Variants in TEX9 observed in about 807,000 individuals in gnomAD.
TEX9 encodes testis-expressed protein 9.
TEX9 carries 74 observed loss-of-function variants against 59.6 expected under a neutral mutation model. The observed-to-expected ratio is 1.24, with a 90% confidence interval of 1.03 to 1.51. The LOEUF (loss-of-function observed/expected upper bound fraction) is 1.51, where lower values mean the gene tolerates loss of function less well. Ranked by LOEUF, TEX9 falls within the 40% of genes most tolerant of loss-of-function variation. The pLI is 0.00. For missense variants in TEX9, 522 were observed against 447.8 expected, an observed-to-expected ratio of 1.17 and a Z score of -1.49; for synonymous variants, 186 against 152.2, an observed-to-expected ratio of 1.22 and a Z score of -1.64.
intron 4 of TEX9, among the ~76,000 whole-genome samples, chr15:56,387,818 T>G (rs1374944388): frequency 6.6e-6 from 1 of 151,968 alleles, no homozygotes; most frequent in Non-Finnish European, 1.5e-5. Context: ...AATACATAAA[T>G]GAGTGAGTGG....
At chr15:56,342,422 C>T (rs2046389503) in intron 1 of TEX9, among the ~76,000 whole-genome samples, 1 of 152,050 alleles carries the variant, frequency 6.6e-6, no homozygotes, top group Admixed American at 6.6e-5. Context: ...GAATAGTTGT[C>T]CTTTCTATTG....
intron 12 of TEX9, chr15:56,428,478 GTGATGGATACCCAT>G (rs1399651986): frequency 8.6e-6 from 12 of 1,399,058 alleles, no homozygotes; most frequent in Non-Finnish European, 1.2e-5. Context: ...ATGACAGTAT[GTGATGGATACCCAT>G]TTTACTTATT....
chr15:56,253,067 A>G (rs1230940304), intron 1 of TEX9, among the ~76,000 whole-genome samples: 1 of 152,132 alleles, frequency 6.6e-6, no homozygotes, highest in Non-Finnish European at 1.5e-5. Flanking sequence ...CTGAAAACCA[A>G]AAGTGGTGGC....
chr15:56,324,775 T>C (rs1317850901), intron 1 of TEX9, among the ~76,000 whole-genome samples: 1 of 152,228 alleles, frequency 6.6e-6, no homozygotes, highest in Non-Finnish European at 1.5e-5. Context: ...TGCATCTGCC[T>C]TGAGTGACTC....
intron 1 of TEX9, among the ~76,000 whole-genome samples, chr15:56,302,754 A>T (rs2045392911): frequency 6.6e-6 from 1 of 152,232 alleles, no homozygotes; most frequent in Admixed American, 6.5e-5. Context: ...CAATCAAAAG[A>T]CATGGAGTGG....
chr15:56,444,525 T>C (rs1238240658), intron 12 of TEX9: 5 of 1,504,318 alleles, frequency 3.3e-6, no homozygotes, highest in African/African-American at 1.4e-5. Context: ...AGCTTCCTGC[T>C]TTTTTTTTTC....
intron 1 of TEX9, among the ~76,000 whole-genome samples, chr15:56,346,932 CAA>C (rs2046482112): frequency 6.6e-6 from 1 of 152,128 alleles, no homozygotes; most frequent in Non-Finnish European, 1.5e-5. Flanking sequence ...TGTATACTAG[CAA>C]TGAACACTTG....
intron 10 of TEX9, 64 bp downstream of exon 10, chr15:56,412,500 G>T (rs1596211272): frequency 6.8e-7 from 1 of 1,474,374 alleles, no homozygotes; most frequent in East Asian, 2.3e-5. Flanking sequence ...TTATGAACAT[G>T]TCAAAAATAA....
chr15:56,355,955 G>T (rs879327249), intron 1 of TEX9, among the ~76,000 whole-genome samples: 1 of 151,934 alleles, frequency 6.6e-6, no homozygotes, highest in South Asian at 2.1e-4. Context: ...TTTATAGTAT[G>T]GTATATAGAA....
intron 1 of TEX9, among the ~76,000 whole-genome samples, chr15:56,321,785 C>T (rs547499330): frequency 3.3e-4 from 50 of 152,142 alleles, no homozygotes; most frequent in Admixed American, 7.8e-4. Flanking sequence ...TTTTGCTATC[C>T]TCAAGTACTG....
intron 4 of TEX9, among the ~76,000 whole-genome samples, chr15:56,386,506 A>C (rs1368986343): frequency 6.6e-6 from 1 of 152,030 alleles, no homozygotes; most frequent in Admixed American, 6.6e-5. Context: ...AGTGGTGAGT[A>C]AACAGACCTG....
chr15:56,277,277 G>C (rs1479219398), intron 1 of TEX9, among the ~76,000 whole-genome samples: 1 of 152,116 alleles, frequency 6.6e-6, no homozygotes, highest in Non-Finnish European at 1.5e-5. Flanking sequence ...GTATTGCCTA[G>C]GTTTTCTTCC....
At chr15:56,410,006 G>A (rs1008420627) in intron 9 of TEX9, 33 of 152,154 alleles carry the variant, frequency 2.2e-4, no homozygotes, top group African/African-American at 7.0e-4. Flanking sequence ...AATGTCATGA[G>A]AGGAGGAACT....
upstream of TEX9, among the ~76,000 whole-genome samples, chr15:56,362,107 C>T (rs545722979): frequency 6.6e-6 from 1 of 152,056 alleles, no homozygotes; most frequent in Non-Finnish European, 1.5e-5. Context: ...TCCATGCGAC[C>T]TTGAGAAAAA....
chr15:56,265,410 C>T (rs1029071676), intron 1 of TEX9, among the ~76,000 whole-genome samples: 6 of 151,980 alleles, frequency 3.9e-5, no homozygotes, highest in East Asian at 1.9e-4. Context: ...TGGCCTCAAG[C>T]GATTTTTCTG....
chr15:56,373,471 A>C (rs750060011), exon 3 of TEX9: 1 of 1,586,082 alleles, frequency 6.3e-7, no homozygotes, highest in South Asian at 1.2e-5. Context: ...AGGCAAAAAC[A>C]GCTGACGTGG....
At chr15:56,300,742 A>AGAGG (rs1555431680) in intron 1 of TEX9, among the ~76,000 whole-genome samples, 3,251 of 144,958 alleles carry the variant, frequency 0.022, 94 homozygotes, top group Admixed American at 0.047. Flanking sequence ...AGAGAGAGAG[A>AGAGG]GAGACTTCAT....
rs569011002 is a variant in TEX9, at chr15:56,280,610, G to A, written c.-107+36332G>A. Among the ~76,000 whole-genome samples the A allele has an allele frequency of 2.6e-5, 4 of 152,248 alleles. No homozygotes were observed. The South Asian group carries it at 8.3e-4, about 32-fold the overall frequency. ...TAACAATTTCCAATAAGTTTATAGG[G>A]AAATGAAACTTCATCCATAAGAAAA... On this transcript the variant is annotated intron_variant, in intron 1 of 5. Transcript: ENST00000560827.
At chr15:56,370,202 T>C (rs1301326613) in intron 2 of TEX9, among the ~76,000 whole-genome samples, 1 of 152,190 alleles carries the variant, frequency 6.6e-6, no homozygotes, top group African/African-American at 2.4e-5. Context: ...TTTCATTATG[T>C]CTTTATTTTT....
Sources: allele counts gnomAD v4.1 joint callset (sites outside exome capture counted in the v4.1 genomes callset), GRCh38; gene constraint gnomAD v4.1.1; transcripts MANE v1.5; gene names NCBI Gene and HGNC (gene_info 2026-07-23, HGNC 2026-07-21).